Variants in MTMR11 observed in about 807,000 individuals in gnomAD.
The protein encoded by MTMR11 is myotubularin related protein 11, also known as myotubularin-related protein 11.
In MTMR11, 89 loss-of-function variants were observed where a neutral mutation model predicts 100.0. That is an observed-to-expected ratio of 0.89 (90% CI 0.75 to 1.06). The LOEUF (loss-of-function observed/expected upper bound fraction) is 1.06. MTMR11 is among the 50% of genes least tolerant of loss of function. The pLI is 0.00. For synonymous variants in MTMR11, 336 were observed against 326.3 expected (o/e 1.03, Z -0.32); for missense variants, 809 against 873.7 (o/e 0.93, Z 0.93).
At chr1:149,929,594 C>T (rs2092628240) in intron 16 of MTMR11, 29 bp downstream of exon 16, 8 of 1,590,930 alleles carry the variant, frequency 5.0e-6, no homozygotes, top group African/African-American at 1.3e-5. Context: ...AGTCCCTTGT[C>T]CCACTCCCAG....
chr1:149,932,139 G>GA (rs2101664077), intron 11 of MTMR11, 125 bp from the exon 12 acceptor site: 1 of 1,385,704 alleles, frequency 7.2e-7, no homozygotes, highest in African/African-American at 1.4e-5. Context: ...CTAAAGAGCA[G>GA]AAAATGGCAG....
chr1:149,934,636 G>A (rs2092701347), intron 5 of MTMR11, 110 bp from the exon 6 acceptor site: 3 of 1,178,398 alleles, frequency 2.5e-6, no homozygotes, highest in Non-Finnish European at 3.6e-6. Flanking sequence ...AAGAAGAACA[G>A]TGAAGACAGT....
intron 16 of MTMR11, 94 bp downstream of exon 16, chr1:149,929,529 A>G: frequency 1.4e-6 from 2 of 1,436,108 alleles, no homozygotes; most frequent in Non-Finnish European, 1.9e-6. Context: ...CCAGACTCCC[A>G]GAGGCTTCAG....
intron 13 of MTMR11, 33 bp downstream of exon 13, chr1:149,931,227 T>C: frequency 1.2e-6 from 2 of 1,612,282 alleles, no homozygotes; most frequent in Non-Finnish European, 1.7e-6. Context: ...TCCTTAGTAA[T>C]ATGCCCCCGA....
chr1:149,928,983 A>C lies in MTMR11; in HGVS notation c.*146T>G. On this transcript the variant is annotated 3_prime_UTR_variant, in exon 17 of 17. Coordinates refer to ENST00000439741, the MANE Select transcript of MTMR11 (RefSeq NM_001145862.2). ...AGAAGCAAAAATATTTGTAGAAACT[A>C]AGCAAGACAAGAGTTGGAGCAGTTA... The C allele has an allele frequency of 6.2e-7, 1 of 1,610,972 alleles. No homozygotes were observed. Among genetic ancestry groups the C allele is most frequent in the Admixed American group, 1.7e-5 (1 of 59,564 alleles).
In MTMR11 at chr1:149,934,284, T is replaced by C. The variant is rs1421441353; in HGVS notation, c.590A>G (p.Glu197Gly). Residue 197 changes from glutamate (E) to glycine (G), a missense_variant, in exon 7 of 17, where the codon GAG becomes GGG. Glu to Gly is a moderately conservative substitution (Grantham distance 98). Coordinates refer to ENST00000439741, the MANE Select transcript of MTMR11 (RefSeq NM_001145862.2). ...CTCAGTCTCCCAGTCTTCCGCTGTC[T>C]CCATGAGAGGAATTGGTGGTTTTCT... ...GSRKPPIPLM[E>G]TAEDWETERK... 22 of 1,614,168 alleles carry C rather than the reference T, an allele frequency of 1.4e-5. No homozygotes were observed. The highest frequency in any genetic ancestry group is 1.9e-5 in the Non-Finnish European group (22 of 1,180,030).
chr1:149,933,297 C>G, intron 10 of MTMR11, 109 bp downstream of exon 10: 1 of 1,406,786 alleles, frequency 7.1e-7, no homozygotes, highest in Non-Finnish European at 9.7e-7. Flanking sequence ...AGAAAACGGG[C>G]TCATTGGACT....
chr1:149,936,481 C>G, intron 1 of MTMR11, 101 bp downstream of exon 1: 6 of 1,199,808 alleles, frequency 5.0e-6, no homozygotes, highest in Non-Finnish European at 7.0e-6. Flanking sequence ...GACAGACACA[C>G]CCTCCTCCTC....
At chr1:149,931,644 T>A (rs982303733) in intron 12 of MTMR11, 1 of 583,826 alleles carries the variant, frequency 1.7e-6, no homozygotes, top group African/African-American at 1.9e-5. Context: ...CAGTTTCACA[T>A]GTAAGGGGCA....
At chr1:149,933,352 G>T in intron 10 of MTMR11, 54 bp downstream of exon 10, 42 of 1,601,960 alleles carry the variant, frequency 2.6e-5, no homozygotes, top group Non-Finnish European at 3.5e-5. Context: ...ACCAGGTTAG[G>T]CTCAGCAGAC....
intron 14 of MTMR11, 70 bp downstream of exon 14, chr1:149,930,722 T>C: frequency 6.8e-7 from 1 of 1,475,418 alleles, no homozygotes; most frequent in African/African-American, 1.4e-5. Context: ...ATAAAACAAA[T>C]CAAGACCAAA....
Position 149,930,862 on chromosome 1 carries a change from CTG to C in MTMR11, c.1392_1393del (p.Asp464GlufsTer6). The stretch of plus-strand genomic sequence containing the variant: ...GGTAAGGGTGTCAGGAACCCTGACA[CTG>C]TCATGAAGAGCAAGAAGGAAAAACT... On this transcript the variant is annotated frameshift_variant, in exon 14 of 17. Coordinates refer to ENST00000439741, the MANE Select transcript of MTMR11 (RefSeq NM_001145862.2). LOFTEE classifies it high-confidence loss of function. 1 of 1,612,514 alleles carries C rather than the reference CTG, an allele frequency of 6.2e-7. No homozygotes were observed. The highest frequency in any genetic ancestry group is 2.2e-5 in the East Asian group (1 of 44,820).
Position 149,936,684 on chromosome 1 carries a change from T to C in MTMR11, c.-37A>G. 1.4e-6 allele frequency: 2 copies of C among 1,421,630 alleles called. No homozygotes were observed. The highest frequency in any genetic ancestry group is 1.2e-5 in the South Asian group (1 of 81,548). 88.1% of individuals were successfully genotyped at this position (1,421,630 alleles called of 1,614,324 possible). A position where few individuals can be genotyped will look rare whatever the true frequency, so the allele number is the denominator to read the frequency against. ...CATCCGGGGACACAGCAGTTAAGGG[T>C]GGGAAACCTCAAGGATGCTCACCCA... is the stretch of plus-strand genomic sequence containing the variant. On this transcript the variant is annotated 5_prime_UTR_variant, in exon 1 of 17. Coordinates refer to ENST00000439741, the MANE Select transcript of MTMR11 (RefSeq NM_001145862.2).
intron 11 of MTMR11, 75 bp from the exon 12 acceptor site, chr1:149,932,089 G>T (rs1322423338): frequency 8.2e-6 from 12 of 1,460,556 alleles, no homozygotes; most frequent in Non-Finnish European, 1.2e-5. Flanking sequence ...TGGGTCATGG[G>T]ATGGAATAAG....
In MTMR11 at chr1:149,929,093, C is replaced by CA. The variant is rs78362386; in HGVS notation, c.*35dup. ...AAAGCTGAGGCTGCAAGTGCAGATACAAAAAAAAAAAAAAAAGATTAGACA... is the reference window on the plus strand; with the variant it reads ...AAAGCTGAGGCTGCAAGTGCAGATACAAAAAAAAAAAAAAAAAGATTAGACA... On this transcript the variant is annotated 3_prime_UTR_variant, in exon 17 of 17. Coordinates refer to ENST00000439741, the MANE Select transcript of MTMR11 (RefSeq NM_001145862.2). 166,945 of 1,315,232 alleles carry CA rather than the reference C, an allele frequency of 0.13. 219 individuals are homozygous for CA. The highest frequency in any genetic ancestry group is 0.14 in the Non-Finnish European group (137,936 of 990,284). The allele number at this position is 1,315,232 out of a possible 1,614,324, so 81.5% of individuals were successfully genotyped here.
chr1:149,936,010 A>C, intron 2 of MTMR11, 144 bp downstream of exon 2: 1 of 922,312 alleles, frequency 1.1e-6, no homozygotes, highest in Non-Finnish European at 1.8e-6. Context: ...CCAGCTCTAG[A>C]GGCTGTCAGG....
Position 149,936,122 on chromosome 1 carries a change from G to A in MTMR11, c.142+32C>T, listed in dbSNP as rs782588056. The A allele has an allele frequency of 2.8e-5, 44 of 1,587,870 alleles. No homozygotes were observed. The East Asian group carries it at 9.6e-4, about 35-fold the overall frequency. On this transcript the variant is annotated intron_variant, in intron 2 of 16. Transcript: ENST00000439741. The stretch of plus-strand genomic sequence containing the variant: ...CAAGATTGGCGTAGGATGAAATTTG[G>A]AAGTCTTTGGAGAGTGATAGGGCAT...
At position 149,929,890 on chromosome 1, in the gene MTMR11, G is replaced by T. The variant is rs782370362; in HGVS notation, c.1674C>A (p.Pro558=). 6.8e-6 allele frequency: 11 copies of T among 1,613,114 alleles called. No homozygotes were observed. Among genetic ancestry groups the T allele is most frequent in the Middle Eastern group, 1.6e-4 (1 of 6,080 alleles). Residue 558 remains proline, a synonymous_variant, in exon 16 of 17, where the codon CCC becomes CCA. Coordinates refer to ENST00000439741, the MANE Select transcript of MTMR11 (RefSeq NM_001145862.2). ...PQPSFMVPGP[P]SSVWLFSRGA... is the part of the protein sequence containing the mutation. ...CTCTAGAGAAGAGCCACACAGAACT[G>T]GGGGGTCCAGGAACCATGAAGCTTG...
At chr1:149,936,053 A>C in intron 2 of MTMR11, 101 bp downstream of exon 2, 1 of 1,310,900 alleles carries the variant, frequency 7.6e-7, no homozygotes, top group Non-Finnish European at 1.1e-6. Context: ...ACGTACTTCG[A>C]GCCACGAGAG....
Sources: allele counts gnomAD v4.1 joint callset, GRCh38; gene constraint gnomAD v4.1.1; transcripts MANE v1.5; gene names NCBI Gene and HGNC (gene_info 2026-07-23, HGNC 2026-07-21).